The following SLC28A2 variants were observed in gnomAD, a reference collection of about 807,000 sequenced individuals.
The protein encoded by SLC28A2 is solute carrier family 28 member 2, also known as sodium/nucleoside cotransporter 2.
SLC28A2 carries 69 observed loss-of-function variants against 72.9 expected under a neutral mutation model. The ratio of observed to expected loss-of-function variants is 0.95; its 90% CI spans 0.78 to 1.16. The LOEUF (loss-of-function observed/expected upper bound fraction) is 1.16, where lower values mean the gene tolerates loss of function less well. Among genes scored for constraint, SLC28A2 ranks in the 50% most tolerant of loss-of-function variants. SLC28A2 has a pLI of 0.00. For synonymous variants in SLC28A2, 296 were observed against 294.1 expected (o/e 1.01, Z -0.07); for missense variants, 745 against 791.1 (o/e 0.94, Z 0.70).
In SLC28A2 at chr15:45,272,899, T is replaced by C. The variant is rs549721393; in HGVS notation, c.1859+115T>C. 704 of 626,204 alleles carry C rather than the reference T, an allele frequency of 1.1e-3. 1 individual carries two copies. The highest frequency in any genetic ancestry group is 1.7e-3 in the Middle Eastern group (4 of 2,340). 38.8% of individuals were successfully genotyped at this position (626,204 alleles called of 1,614,324 possible). A position where few individuals can be genotyped will look rare whatever the true frequency, so the allele number is the denominator to read the frequency against. ...CTGTGAGTATTGGTAATGGCCTAGA[T>C]CAGTGTTCTTTTCTCTTATTGGGTG... On this transcript the variant is annotated intron_variant, in intron 17 of 17. Transcript: ENST00000347644.
chr15:45,254,873 C>T (rs1899925953), intron 3 of SLC28A2, among the ~76,000 whole-genome samples: 1 of 152,120 alleles, frequency 6.6e-6, no homozygotes, highest in Non-Finnish European at 1.5e-5. Flanking sequence ...CATGATATTT[C>T]ATATTTTACT....
At position 45,267,838 on chromosome 15, in the gene SLC28A2, T is replaced by C. The variant is rs184644109; in HGVS notation, c.1199+42T>C. The C allele has an allele frequency of 1.2e-3, 1,984 of 1,610,396 alleles. 6 individuals are homozygous for C. The highest frequency in any genetic ancestry group is 4.8e-3 in the Middle Eastern group (28 of 5,846). On this transcript the variant is annotated intron_variant, in intron 12 of 17. Transcript: ENST00000347644. ...ATATACTTTGGGAGATGGTGAGCTG[T>C]AGTTAAGAGTGGCACTGTGGTGGCA...
In SLC28A2 at chr15:45,269,345, G is replaced by A. The variant is rs1172459404; in HGVS notation, c.1376G>A (p.Cys459Tyr). ...TATCTCTCTTTCACTCAGGTCATCT[G>A]CTCCTATCTCCTAAGGCCCATGGTT... is the stretch of plus-strand genomic sequence containing the variant. ...DIQGLTFQVICSYLLRPMVFM... is the reference protein window; with the variant it reads ...DIQGLTFQVIYSYLLRPMVFM... Residue 459 changes from cysteine (C) to tyrosine (Y), a missense_variant, in exon 14 of 18, where the codon TGC becomes TAC. Physicochemically the swap from Cys to Tyr is radical, Grantham distance 194 (BLOSUM62 -2). Coordinates refer to ENST00000347644, the MANE Select transcript of SLC28A2 (RefSeq NM_004212.4). 6.2e-7 allele frequency: 1 copy of A among 1,613,474 alleles called. No individual in the cohort carries two copies. Among genetic ancestry groups the A allele is most frequent in the African/African-American group, 1.3e-5 (1 of 74,884 alleles).
rs765485110 is a variant in SLC28A2 at position 45,253,182 on chromosome 15, C to T, written c.-16-18C>T. ...GAATGACCAATCTTTCAGGCTTGGC[C>T]CTGAATTTGTTTTTCAGTTGAGGAG... On this transcript the variant is annotated intron_variant, in intron 1 of 17. Transcript: ENST00000347644. The T allele has an allele frequency of 2.4e-5, 34 of 1,428,268 alleles. No individual in the cohort carries two copies. In the African/African-American group the frequency reaches 4.1e-4, roughly 17 times the overall value. The allele number at this position is 1,428,268 out of a possible 1,614,324, so 88.5% of individuals were successfully genotyped here. A position where few individuals can be genotyped will look rare whatever the true frequency, so the allele number is the denominator to read the frequency against.
rs1394333204 is a variant in SLC28A2 at position 45,253,487 on chromosome 15, T to C, written c.137T>C (p.Leu46Pro). 1 of 1,613,666 alleles carries C rather than the reference T, an allele frequency of 6.2e-7. No homozygotes were observed. Among genetic ancestry groups the C allele is most frequent in the African/African-American group, 1.3e-5 (1 of 74,908 alleles). ...SKRTDAQGHS[L>P]GDGLGPSTYQ... ...AGGACTGACGCACAAGGACACAGCC[T>C]GGGGGATGGACTGGGCCCTTCCACT... is the stretch of plus-strand genomic sequence containing the variant. Residue 46 changes from leucine to proline, a missense_variant, in exon 3 of 18, where the codon CTG (leucine) becomes CCG (proline). Physicochemically the swap from Leu to Pro is moderately conservative, Grantham distance 98. Coordinates refer to ENST00000347644, the MANE Select transcript of SLC28A2 (RefSeq NM_004212.4).
intron 16 of SLC28A2, 118 bp downstream of exon 16, chr15:45,272,511 C>A: frequency 3.5e-6 from 3 of 864,974 alleles, no homozygotes; most frequent in Admixed American, 2.2e-5. Flanking sequence ...TTCCCTAGAT[C>A]ATGACAGGCT....
chr15:45,264,302 A>C (rs555799391), intron 6 of SLC28A2, among the ~76,000 whole-genome samples: 13 of 152,274 alleles, frequency 8.5e-5, no homozygotes, highest in Admixed American at 2.6e-4. Flanking sequence ...CAAAAGAAAA[A>C]AAATAAGGAA....
In SLC28A2 at chr15:45,253,241, C is replaced by A. The variant is rs775908283; in HGVS notation, c.26C>A (p.Ser9Tyr). 5.6e-6 allele frequency: 9 copies of A among 1,613,340 alleles called. No individual in the cohort carries two copies. Among genetic ancestry groups the A allele is most frequent in the Middle Eastern group, 1.6e-4 (1 of 6,082 alleles). Residue 9 changes from serine to tyrosine, a missense_variant, in exon 2 of 18, where the codon TCC (serine) becomes TAC (tyrosine). Physicochemically the swap from Ser to Tyr is moderately radical, Grantham distance 144. Transcript: ENST00000347644. MEKASGRQSIALSTVETGT... is the reference protein window; with the variant it reads MEKASGRQYIALSTVETGT... Reference sequence around the variant, plus strand: ...ATGGAGAAAGCAAGTGGAAGACAGTCCATTGCTCTGTCCACAGTGGAGACT... The same window carrying A: ...ATGGAGAAAGCAAGTGGAAGACAGTACATTGCTCTGTCCACAGTGGAGACT...
chr15:45,252,271 A>G lies in SLC28A2; in HGVS notation c.-24A>G, dbSNP rs1256010851. ...AGGAGCCAGAGGGAATCAATTCCAC[A>G]AGCTGGGGTAAGTAAAGGTGTTTGG... On this transcript the variant is annotated 5_prime_UTR_variant, in exon 1 of 18. Transcript: ENST00000347644. The G allele has an allele frequency of 4.4e-6, 2 of 455,926 alleles. No homozygotes were observed. The highest frequency in any genetic ancestry group is 8.8e-6 in the Non-Finnish European group (2 of 226,780). 28.2% of individuals were successfully genotyped at this position (455,926 alleles called of 1,614,324 possible).
At chr15:45,259,498 CA>C (rs1334544318) in intron 3 of SLC28A2, among the ~76,000 whole-genome samples, 2 of 152,080 alleles carry the variant, frequency 1.3e-5, no homozygotes, top group African/African-American at 4.8e-5. Context: ...AAAAGAAGTA[CA>C]AAATTAATAC....
In SLC28A2 at chr15:45,272,311, C is replaced by A. The variant is rs1462717238; in HGVS notation, c.1665C>A (p.His555Gln). Residue 555 changes from histidine (H) to glutamine (Q), a missense_variant, in exon 16 of 18, where the codon CAC becomes CAA. Physicochemically the swap from His to Gln is conservative, Grantham distance 24. Transcript: ENST00000347644. ...TLGGLTSIVP[H>Q]RKSDLSKVVV... ...TGTCTGCAGCATCAATAGTACCTCA[C>A]CGGAAGAGTGACTTGTCCAAGGTTG... 5 of 1,613,752 alleles carry A rather than the reference C, an allele frequency of 3.1e-6. No individual in the cohort carries two copies. Among genetic ancestry groups the A allele is most frequent in the Admixed American group, 3.3e-5 (2 of 60,012 alleles).
chr15:45,272,718 T>G lies in SLC28A2; in HGVS notation c.1793T>G (p.Phe598Cys). Reference sequence around the variant, plus strand: ...GGAGCTGAAGCTGACTGTGTCTCCTTCCCAAACACAAGTTTCACCAATAGA... The same window carrying G: ...GGAGCTGAAGCTGACTGTGTCTCCTGCCCAAACACAAGTTTCACCAATAGA... ...PRGAEADCVS[F>C]PNTSFTNRTY... Residue 598 changes from phenylalanine (F) to cysteine (C), a missense_variant, in exon 17 of 18, where the codon TTC becomes TGC. By Grantham distance (205) the Phe-to-Cys change is radical (BLOSUM62 -2). Transcript: ENST00000347644. 6.2e-7 allele frequency: 1 copy of G among 1,613,262 alleles called. No homozygotes were observed. The highest frequency in any genetic ancestry group is 8.5e-7 in the Non-Finnish European group (1 of 1,179,194).
At position 45,277,147 on chromosome 15, in the gene SLC28A2, T is replaced by A. The variant is rs965318966; in HGVS notation, c.*1634T>A. 1 of 151,852 alleles carries A rather than the reference T, an allele frequency of 6.6e-6. No individual in the cohort carries two copies. Among genetic ancestry groups the A allele is most frequent in the African/African-American group, 2.4e-5 (1 of 41,378 alleles). The allele number at this position is 151,852 out of a possible 1,614,324, so 9.4% of individuals were successfully genotyped here. ...TCTCCCACAACGAAGAATTACCTGG[T>A]CCCAAACGTCAATTGTGCTGAGACT... is the stretch of plus-strand genomic sequence containing the variant. On this transcript the variant is annotated 3_prime_UTR_variant, in exon 18 of 18. Transcript: ENST00000347644.
intron 17 of SLC28A2, among the ~76,000 whole-genome samples, chr15:45,274,747 C>CCTTTT (rs1158089088): frequency 2.5e-5 from 3 of 119,938 alleles, no homozygotes; most frequent in African/African-American, 1.6e-4. Flanking sequence ...TTTGATTCTT[C>CCTTTT]TTTTTTTTTT....
At chr15:45,265,255 C>T (rs960007190) in intron 8 of SLC28A2, 89 bp downstream of exon 8, 12 of 947,432 alleles carry the variant, frequency 1.3e-5, no homozygotes, top group African/African-American at 8.1e-5. Flanking sequence ...AAGAGATCAG[C>T]GCCCCTGTAT....
At position 45,275,840 on chromosome 15, in the gene SLC28A2, CAGG is replaced by C. The variant is rs755523710; in HGVS notation, c.*330_*332del. 1.4e-4 allele frequency: 23 copies of C among 164,878 alleles called. No homozygotes were observed. Among genetic ancestry groups the C allele is most frequent in the Admixed American group, 2.6e-4 (4 of 15,394 alleles). The allele number at this position is 164,878 out of a possible 1,614,324, so 10.2% of individuals were successfully genotyped here. A position where few individuals can be genotyped will look rare whatever the true frequency, so the allele number is the denominator to read the frequency against. On this transcript the variant is annotated 3_prime_UTR_variant, in exon 18 of 18. Transcript: ENST00000347644. ...GTCCCAGCTACTCGCGAGGCTGAGG[CAGG>C]AGAATGGCGTGAATCCGGGAGGCGG...
chr15:45,271,114 G>C (rs182795003), intron 15 of SLC28A2, among the ~76,000 whole-genome samples: 4 of 152,346 alleles, frequency 2.6e-5, no homozygotes, highest in African/African-American at 9.6e-5. Flanking sequence ...TGTTAAAGGA[G>C]TGGGTCTTTG....
chr15:45,265,904 C>G (rs943390774), intron 9 of SLC28A2, among the ~76,000 whole-genome samples, 177 bp from the exon 10 acceptor site: 1 of 152,144 alleles, frequency 6.6e-6, no homozygotes, highest in African/African-American at 2.4e-5. Flanking sequence ...CTAAAGGCAA[C>G]GAGTCCTGAG....
chr15:45,265,278 C>G (rs535242918), intron 8 of SLC28A2, 112 bp downstream of exon 8: 1 of 787,836 alleles, frequency 1.3e-6, no homozygotes, highest in East Asian at 2.5e-5. Context: ...CAATTTGACC[C>G]TAACAAGAGG....
Sources: allele counts gnomAD v4.1 joint callset (sites outside exome capture counted in the v4.1 genomes callset), GRCh38; gene constraint gnomAD v4.1.1; transcripts MANE v1.5; gene names NCBI Gene and HGNC (gene_info 2026-07-23, HGNC 2026-07-21).